HEXD: variants seen among roughly 807,000 people sequenced by gnomAD.
HEXD encodes the protein N-acetyl-beta-galactosaminidase.
Under a neutral mutation model 54.2 loss-of-function variants are expected in HEXD, and 47 were observed. The ratio of observed to expected loss-of-function variants is 0.87; its 90% CI spans 0.69 to 1.11. HEXD has a LOEUF of 1.11. Ranked by LOEUF, HEXD falls within the 50% of genes least tolerant of loss-of-function variation. HEXD has a pLI of 0.00. For synonymous variants in HEXD, 293 were observed against 287.6 expected (o/e 1.02, Z -0.19); for missense variants, 576 against 649.2 (o/e 0.89, Z 1.23).
chr17:82,442,420 C>T lies in HEXD; in HGVS notation c.*36C>T, dbSNP rs942774201. The T allele has an allele frequency of 1.2e-6, 2 of 1,609,834 alleles. No individual in the cohort carries two copies. The highest frequency in any genetic ancestry group is 1.7e-6 in the Non-Finnish European group (2 of 1,177,622). ...CATGCCAGGGGGCTCCTGCTGGAGG[C>T]TGGGGGGGCTCTGCACTGCCAAATG... On this transcript the variant is annotated 3_prime_UTR_variant, in exon 13 of 13. Transcript: ENST00000327949. This position sits in a 1 kb window ranked among gnomAD's most constrained non-coding sequence, Gnocchi z 6.8.
At chr17:82,439,389 G>C in intron 8 of HEXD, 1 of 974,290 alleles carries the variant, frequency 1.0e-6, no homozygotes. Context: ...GGAGAGCATT[G>C]CAGCAAGGAA....
rs58481108 is a variant in HEXD, at chr17:82,440,480, T to G, written c.983-517T>G. Reference sequence around the variant, plus strand: ...TATTGACGGTATTTGCAGTGTCCCTTGCCCACGGCCCCATCCGCCACCCGT... The same window carrying G: ...TATTGACGGTATTTGCAGTGTCCCTGGCCCACGGCCCCATCCGCCACCCGT... On this transcript the variant is annotated intron_variant, in intron 9 of 12. Transcript: ENST00000327949. 9.8e-5 allele frequency: 46 copies of G among 471,464 alleles called. 1 individual carries two copies. The East Asian group carries it at 4.2e-3, about 43-fold the overall frequency. 29.2% of individuals were successfully genotyped at this position (471,464 alleles called of 1,614,324 possible).
intron 8 of HEXD, among the ~76,000 whole-genome samples, chr17:82,438,895 C>T (rs971491853): frequency 2.0e-5 from 3 of 152,256 alleles, no homozygotes; most frequent in Non-Finnish European, 4.4e-5. Flanking sequence ...GTCCATAGAG[C>T]GGGGCGAGGC....
rs151009140 is a variant in HEXD, at chr17:82,442,046, C to T, written c.1254-131C>T. 1.2e-3 allele frequency: 1,536 copies of T among 1,332,424 alleles called. 8 individuals are homozygous for T. The African/African-American group carries it at 0.016, about 14-fold the overall frequency. 82.5% of individuals were successfully genotyped at this position (1,332,424 alleles called of 1,614,324 possible). A position where few individuals can be genotyped will look rare whatever the true frequency, so the allele number is the denominator to read the frequency against. On this transcript the variant is annotated intron_variant, in intron 12 of 12. Transcript: ENST00000327949. The surrounding 1 kb of genome is among the most constrained non-coding windows in gnomAD (Gnocchi z 6.8). ...GCAGCTGTCACCGACTTGTTCCTCCCGACATGCCGATGAGGTAGGGTCAGT... is the reference window on the plus strand; with the variant it reads ...GCAGCTGTCACCGACTTGTTCCTCCTGACATGCCGATGAGGTAGGGTCAGT...
chr17:82,433,832 G>C lies in HEXD; in HGVS notation c.447+10G>C. The C allele has an allele frequency of 6.2e-7, 1 of 1,608,928 alleles. No homozygotes were observed. The highest frequency in any genetic ancestry group is 8.5e-7 in the Non-Finnish European group (1 of 1,177,740). ...CATCGGGTGTGATGAGGTGGGTACT[G>C]TCACCCCAGCTCTGTGCAGGACACT... On this transcript the variant is annotated intron_variant, in intron 5 of 12. Coordinates refer to ENST00000327949, the MANE Select transcript of HEXD (RefSeq NM_001330542.2).
At chr17:82,441,711 C>A in intron 11 of HEXD, 89 bp from the exon 12 acceptor site, 1 of 977,808 alleles carries the variant, frequency 1.0e-6, no homozygotes, top group Non-Finnish European at 1.6e-6. Flanking sequence ...AATGTCAACC[C>A]CATTCTTAAA....
In HEXD at chr17:82,437,434, C is replaced by T. The variant is rs560977457; in HGVS notation, c.899+71C>T. The T allele has an allele frequency of 1.9e-4, 262 of 1,358,832 alleles. 2 individuals carry two copies. In the African/African-American group the frequency reaches 2.6e-3, roughly 13 times the overall value. The allele number at this position is 1,358,832 out of a possible 1,614,324, so 84.2% of individuals were successfully genotyped here. On this transcript the variant is annotated intron_variant, in intron 8 of 12. Transcript: ENST00000327949. ...GTGGCCACCACGTCGGCCTGTGCAG[C>T]GTCCGCCAAGGGCCTTCCCAGGTTG...
intron 9 of HEXD, 33 bp downstream of exon 9, chr17:82,439,746 G>T: frequency 6.3e-7 from 1 of 1,598,752 alleles, no homozygotes; most frequent in Non-Finnish European, 8.5e-7. Flanking sequence ...AAGCCCCACC[G>T]GCCCCTCCCC....
Position 82,424,478 on chromosome 17 carries a change from C to T in HEXD, c.169C>T (p.Leu57=). The T allele has an allele frequency of 6.2e-7, 1 of 1,613,608 alleles. No individual in the cohort carries two copies. The highest frequency in any genetic ancestry group is 8.5e-7 in the Non-Finnish European group (1 of 1,179,544). Residue 57 remains leucine (L), a synonymous_variant, in exon 3 of 13, where the codon CTG becomes TTG. Coordinates refer to ENST00000327949, the MANE Select transcript of HEXD (RefSeq NM_001330542.2). ...GTTTCCCTACGAGGGCCCTCTGAGG[C>T]TGCTGAGGGCCAAGTACGCCTACAG... ...DMFPYEGPLR[L]LRAKYAYSPS...
At chr17:82,419,159 C>A (rs2053156562) in intron 1 of HEXD, among the ~76,000 whole-genome samples, 1 of 152,118 alleles carries the variant, frequency 6.6e-6, no homozygotes, top group Non-Finnish European at 1.5e-5. Context: ...CTTCGTTATC[C>A]CTTGGATGCC....
chr17:82,428,497 G>A, intron 3 of HEXD, 61 bp from the exon 4 acceptor site: 1 of 1,432,104 alleles, frequency 7.0e-7, no homozygotes, highest in Non-Finnish European at 9.8e-7. Flanking sequence ...GGCTGGGGGG[G>A]TGGGTGTGGA....
chr17:82,429,274 T>C lies in HEXD; in HGVS notation c.282+629T>C, dbSNP rs190932329. The stretch of plus-strand genomic sequence containing the variant: ...GACTCCGTCTCAAAAAATATATATA[T>C]ACACATATTCTTTTTCCTGTCTGCA... On this transcript the variant is annotated intron_variant, in intron 4 of 12. Coordinates refer to ENST00000327949, the MANE Select transcript of HEXD (RefSeq NM_001330542.2). Among the ~76,000 whole-genome samples the C allele has an allele frequency of 5.9e-5, 9 of 151,956 alleles. No individual in the cohort carries two copies. The East Asian group carries it at 1.7e-3, about 29-fold the overall frequency.
At chr17:82,432,802 G>A (rs541169215) in intron 4 of HEXD, among the ~76,000 whole-genome samples, 3 of 151,830 alleles carry the variant, frequency 2.0e-5, no homozygotes, top group Admixed American at 1.3e-4. Context: ...AGTGGCTCAC[G>A]CCTGTAATCC....
rs573472532 is a variant in HEXD, at chr17:82,428,335, G to A, written c.195-223G>A. Among the ~76,000 whole-genome samples the A allele has an allele frequency of 1.2e-4, 18 of 152,252 alleles. No homozygotes were observed. In the East Asian group the frequency reaches 3.5e-3, roughly 29 times the overall value. ...TGACTTCATTCTCTTGTCGTGGGTT[G>A]AAAAGCGAACCATTACTTGAGGACG... On this transcript the variant is annotated intron_variant, in intron 3 of 12. Coordinates refer to ENST00000327949, the MANE Select transcript of HEXD (RefSeq NM_001330542.2).
intron 3 of HEXD, among the ~76,000 whole-genome samples, chr17:82,424,963 A>AGGTTGGAGAAGGCTGGACTACAGAT (rs1567883916): frequency 6.7e-6 from 1 of 148,926 alleles, no homozygotes; most frequent in Non-Finnish European, 1.5e-5. Context: ...GGACTACAGA[A>AGGTTGGAGAAGGCTGGACTACAGAT]GGTTAGAGAA....
At chr17:82,419,203 G>A (rs771828384) in intron 1 of HEXD, among the ~76,000 whole-genome samples, 15 of 152,202 alleles carry the variant, frequency 9.9e-5, no homozygotes, top group Non-Finnish European at 1.8e-4. Context: ...GGTCAGCTCT[G>A]ATGCACTTGG....
intron 2 of HEXD, among the ~76,000 whole-genome samples, chr17:82,423,973 G>C (rs2143405721): frequency 6.6e-6 from 1 of 151,800 alleles, no homozygotes; most frequent in Non-Finnish European, 1.5e-5. Context: ...CCCTGCCCCG[G>C]CTCCTCCTGC....
At position 82,434,368 on chromosome 17, in the gene HEXD, G is replaced by A. The variant is rs1210181122; in HGVS notation, c.447+546G>A. On this transcript the variant is annotated intron_variant, in intron 5 of 12. Coordinates refer to ENST00000327949, the MANE Select transcript of HEXD (RefSeq NM_001330542.2). This position sits in a 1 kb window ranked among gnomAD's most constrained non-coding sequence, Gnocchi z 4.5. ...CACTCACTGGACTCCAACTCAGTCA[G>A]GGCCTGGGCAGGATGTGGAACTGAA... is the stretch of plus-strand genomic sequence containing the variant. Among the ~76,000 whole-genome samples, 4 of 152,194 alleles carry A rather than the reference G, an allele frequency of 2.6e-5. No individual in the cohort carries two copies. The highest frequency in any genetic ancestry group is 2.6e-4 in the Admixed American group (4 of 15,284).
chr17:82,438,000 GCTGAGACGGGTGGATCAC>G (rs2053821540), intron 8 of HEXD, among the ~76,000 whole-genome samples: 1 of 152,184 alleles, frequency 6.6e-6, no homozygotes, highest in South Asian at 2.1e-4. Context: ...ACTCTGGGAG[GCTGAGACGGGTGGATCAC>G]CTGAGGTCCA....
Sources: allele counts gnomAD v4.1 joint callset (sites outside exome capture counted in the v4.1 genomes callset), GRCh38; gene constraint gnomAD v4.1.1; non-coding constraint Gnocchi (gnomAD v3.1); transcripts MANE v1.5; gene names NCBI Gene and HGNC (gene_info 2026-07-23, HGNC 2026-07-21).